ZNF408: variants seen among roughly 807,000 people sequenced by gnomAD.
The protein encoded by ZNF408 is PR domain zinc finger protein 17.
ZNF408 carries 24 observed loss-of-function variants against 27.6 expected under a neutral mutation model. That is an observed-to-expected ratio of 0.87 (90% CI 0.63 to 1.22). The LOEUF (loss-of-function observed/expected upper bound fraction) is 1.22, where lower values mean the gene tolerates loss of function less well. Ranked by LOEUF, ZNF408 falls within the 50% of genes most tolerant of loss-of-function variation. The probability of loss-of-function intolerance (pLI) is 0.00; values close to 1 mark genes in which losing one functional copy is unlikely to be tolerated. For missense variants in ZNF408, 897 were observed against 949.0 expected (o/e 0.95, Z 0.72); for synonymous variants, 410 against 396.1 (o/e 1.04, Z -0.42).
chr11:46,704,625 T>G lies in ZNF408; in HGVS notation c.925T>G (p.Leu309Val), dbSNP rs368603073. The change falls in exon 5 of 5, where the codon TTA becomes GTA. Residue 309 changes from leucine to valine, a missense_variant. Coordinates refer to ENST00000311764, the MANE Select transcript of ZNF408 (RefSeq NM_024741.3). Reference protein sequence around the residue: ...TQPHGYLAKKLHSPSDQCPPR... With the variant: ...TQPHGYLAKKVHSPSDQCPPR... ...GCCGCATGGCTACCTGGCCAAGAAG[T>G]TACACAGCCCCAGTGATCAGTGCCC... is the stretch of plus-strand genomic sequence containing the variant. 6.6e-5 allele frequency: 107 copies of G among 1,613,660 alleles called. No individual in the cohort carries two copies. The highest frequency in any genetic ancestry group is 8.7e-5 in the Non-Finnish European group (103 of 1,179,970).
Position 46,705,381 on chromosome 11 carries a change from C to G in ZNF408, c.1681C>G (p.Arg561Gly). The G allele has an allele frequency of 3.1e-6, 5 of 1,608,588 alleles. No homozygotes were observed. Among genetic ancestry groups the G allele is most frequent in the Non-Finnish European group, 4.2e-6 (5 of 1,179,798 alleles). ...HLCPVCGKAL[R>G]DPHTLRAHER... ...GTGCCCGGTGTGTGGCAAGGCCCTC[C>G]GAGACCCACACACGCTCCGAGCTCA... is the stretch of plus-strand genomic sequence containing the variant. The change falls in exon 5 of 5, where the codon CGA (arginine) becomes GGA (glycine). Residue 561 changes from arginine (R) to glycine (G), a missense_variant. Arg to Gly is a moderately radical substitution (Grantham distance 125). Coordinates refer to ENST00000311764, the MANE Select transcript of ZNF408 (RefSeq NM_024741.3). The surrounding 1 kb of genome is among the most constrained non-coding windows in gnomAD (Gnocchi z 6.5).
Position 46,705,800 on chromosome 11 carries a change from A to G in ZNF408, c.2100A>G (p.Leu700=), listed in dbSNP as rs1471230371. The G allele has an allele frequency of 6.2e-7, 1 of 1,612,230 alleles. No individual in the cohort carries two copies. Among genetic ancestry groups the G allele is most frequent in the Admixed American group, 1.7e-5 (1 of 59,686 alleles). Residue 700 remains leucine, a synonymous_variant, in exon 5 of 5, where the codon CTA becomes CTG. Transcript: ENST00000311764. This position sits in a 1 kb window ranked among gnomAD's most constrained non-coding sequence, Gnocchi z 6.5. The part of the protein sequence containing the change: ...EEPDAAPSLV[L]IHKDMGLGAW... ...CAGATGCCGCCCCCAGCCTGGTGCT[A>G]ATCCATAAGGACATGGGCCTCGGCG...
Position 46,704,554 on chromosome 11 carries a change from C to T in ZNF408, c.854C>T (p.Pro285Leu), listed in dbSNP as rs2064735520. ...AGCAATTCGGCTACCCAGCAGGACC[C>T]AGATGGCAGTGGAGCCAGTTTCTCA... ...LQSNSATQQD[P>L]DGSGASFSSS... The change falls in exon 5 of 5, where the codon CCA (proline) becomes CTA (leucine). Residue 285 changes from proline to leucine, a missense_variant. Coordinates refer to ENST00000311764, the MANE Select transcript of ZNF408 (RefSeq NM_024741.3). The T allele has an allele frequency of 6.2e-7, 1 of 1,613,574 alleles. No homozygotes were observed. The highest frequency in any genetic ancestry group is 8.5e-7 in the Non-Finnish European group (1 of 1,179,928).
Position 46,705,235 on chromosome 11 carries a change from G to T in ZNF408, c.1535G>T (p.Arg512Leu), listed in dbSNP as rs375760341. The change falls in exon 5 of 5, where the codon CGT becomes CTT. Residue 512 changes from arginine (R) to leucine (L), a missense_variant. By Grantham distance (102) the Arg-to-Leu change is moderately radical (BLOSUM62 -2). Coordinates refer to ENST00000311764, the MANE Select transcript of ZNF408 (RefSeq NM_024741.3). This position sits in a 1 kb window ranked among gnomAD's most constrained non-coding sequence, Gnocchi z 6.5. ...GCGTTTCGTCAGCGGGGCAACCTGC[G>T]TGGGCATTTGCGGCTCCACACCGGG... ...GRAFRQRGNLRGHLRLHTGER... is the reference protein window; with the variant it reads ...GRAFRQRGNLLGHLRLHTGER... The T allele has an allele frequency of 6.2e-7, 1 of 1,612,048 alleles. No homozygotes were observed. Among genetic ancestry groups the T allele is most frequent in the Non-Finnish European group, 8.5e-7 (1 of 1,179,918 alleles).
chr11:46,701,451 C>T lies in ZNF408; in HGVS notation c.105C>T (p.Gly35=), dbSNP rs1338809444. 1.9e-6 allele frequency: 3 copies of T among 1,614,034 alleles called. No individual in the cohort carries two copies. Among genetic ancestry groups the T allele is most frequent in the Non-Finnish European group, 2.5e-6 (3 of 1,180,008 alleles). Residue 35 remains glycine, a synonymous_variant, in exon 2 of 5, where the codon GGC becomes GGT. Transcript: ENST00000311764. The part of the protein sequence containing the change: ...LDLGWNPSGE[G]CTQGLKDVPP... The stretch of plus-strand genomic sequence containing the variant: ...TAGGATGGAACCCTTCCGGAGAAGG[C>T]TGTACGCAGGGCCTCAAAGACGTCC...
In ZNF408 at chr11:46,703,761, G is replaced by GTTT. The variant is rs1489418102; in HGVS notation, c.652+520_652+521insTTT. 1.9e-3 allele frequency among the ~76,000 whole-genome samples: 151 copies of GTTT among 80,148 alleles called. 2 individuals carry two copies. Among genetic ancestry groups the GTTT allele is most frequent in the African/African-American group, 2.2e-3 (46 of 20,978 alleles). 52.6% of individuals were successfully genotyped at this position (80,148 alleles called of 152,430 possible). On this transcript the variant is annotated intron_variant, in intron 4 of 4. Transcript: ENST00000311764. ...GTTTTGTTTTGTTGTTGTTGTTGTTGTTGTTGTTGTTTTTTTTTTTTTTTG... is the reference window on the plus strand; with the variant it reads ...GTTTTGTTTTGTTGTTGTTGTTGTTGTTTTTGTTGTTGTTTTTTTTTTTTTTTG...
intron 4 of ZNF408, among the ~76,000 whole-genome samples, chr11:46,703,767 G>GTT (rs1478673835): frequency 1.0e-4 from 9 of 87,062 alleles, no homozygotes; most frequent in Admixed American, 3.1e-4. Flanking sequence ...TGTTGTTGTT[G>GTT]TTGTTTTTTT....
rs746469423 is a variant in ZNF408 at position 46,701,170 on chromosome 11, C to G, written c.52+71C>G. 9.3e-6 allele frequency: 15 copies of G among 1,610,668 alleles called. No homozygotes were observed. In the African/African-American group the frequency reaches 1.5e-4, roughly 16 times the overall value. ...GATCTGACGCTCTGTGGTCAGCTTT[C>G]TCCTCAGTCTTCTCTCCTCCGGATC... On this transcript the variant is annotated intron_variant, in intron 1 of 4. Coordinates refer to ENST00000311764, the MANE Select transcript of ZNF408 (RefSeq NM_024741.3).
chr11:46,702,877 A>G, intron 3 of ZNF408, 107 bp from the exon 4 acceptor site: 1 of 1,596,368 alleles, frequency 6.3e-7, no homozygotes, highest in Non-Finnish European at 8.6e-7. Context: ...TGAATGTTCC[A>G]AAGGCACGGC....
At chr11:46,701,909 A>T in intron 2 of ZNF408, 1 of 430,946 alleles carries the variant, frequency 2.3e-6, no homozygotes, top group Non-Finnish European at 3.9e-6. Flanking sequence ...GAAGGTCAAG[A>T]GCTAAGGTTT....
At position 46,705,242 on chromosome 11, in the gene ZNF408, T is replaced by C; in HGVS notation, c.1542T>C (p.His514=). The part of the protein sequence containing the change: ...AFRQRGNLRG[H]LRLHTGERPY... The stretch of plus-strand genomic sequence containing the variant: ...GTCAGCGGGGCAACCTGCGTGGGCA[T>C]TTGCGGCTCCACACCGGGGAGCGTC... The change falls in exon 5 of 5, where the codon CAT becomes CAC. Residue 514 remains histidine, a synonymous_variant. Transcript: ENST00000311764. The surrounding 1 kb of genome is among the most constrained non-coding windows in gnomAD (Gnocchi z 6.5). 6.2e-7 allele frequency: 1 copy of C among 1,612,182 alleles called. No homozygotes were observed. The highest frequency in any genetic ancestry group is 8.5e-7 in the Non-Finnish European group (1 of 1,179,922).
Position 46,704,881 on chromosome 11 carries a change from A to T in ZNF408, c.1181A>T (p.Glu394Val), listed in dbSNP as rs1203827577. ...TECGKSYSSE[E>V]SFKAHMLGHR... ...TGTGGCAAGAGCTATAGCTCAGAGGAGAGCTTCAAAGCCCATATGCTGGGC... is the reference window on the plus strand; with the variant it reads ...TGTGGCAAGAGCTATAGCTCAGAGGTGAGCTTCAAAGCCCATATGCTGGGC... Residue 394 changes from glutamate (E) to valine (V), a missense_variant, in exon 5 of 5, where the codon GAG becomes GTG. Physicochemically the swap from Glu to Val is moderately radical, Grantham distance 121. Coordinates refer to ENST00000311764, the MANE Select transcript of ZNF408 (RefSeq NM_024741.3). The T allele has an allele frequency of 6.2e-7, 1 of 1,609,492 alleles. No individual in the cohort carries two copies. Among genetic ancestry groups the T allele is most frequent in the Non-Finnish European group, 8.5e-7 (1 of 1,177,690 alleles).
Position 46,705,901 on chromosome 11 carries a change from C to T in ZNF408, c.*38C>T, listed in dbSNP as rs778356790. On this transcript the variant is annotated 3_prime_UTR_variant, in exon 5 of 5. Coordinates refer to ENST00000311764, the MANE Select transcript of ZNF408 (RefSeq NM_024741.3). The surrounding 1 kb of genome is among the most constrained non-coding windows in gnomAD (Gnocchi z 6.5). Reference sequence around the variant, plus strand: ...TTGCTGACACAGCTCCATAAAGACTCGTGCTTTCTCACTGCTGCGTGTCTG... The same window carrying T: ...TTGCTGACACAGCTCCATAAAGACTTGTGCTTTCTCACTGCTGCGTGTCTG... 9.8e-5 allele frequency: 154 copies of T among 1,578,080 alleles called. No individual in the cohort carries two copies. The highest frequency in any genetic ancestry group is 1.2e-4 in the Non-Finnish European group (144 of 1,162,268).
rs555672815 is a variant in ZNF408 at position 46,705,008 on chromosome 11, C to G, written c.1308C>G (p.Pro436=). Reference sequence around the variant, plus strand: ...AGGTGGTACATTCAGGTGCCCGGCCCTTTGCTTGTGACCAGTGTGGCAAGG... The same window carrying G: ...AGGTGGTACATTCAGGTGCCCGGCCGTTTGCTTGTGACCAGTGTGGCAAGG... ...EHQVVHSGAR[P]FACDQCGKAF... Residue 436 remains proline (P), a synonymous_variant, in exon 5 of 5, where the codon CCC becomes CCG. Transcript: ENST00000311764. The surrounding 1 kb of genome is among the most constrained non-coding windows in gnomAD (Gnocchi z 6.5). 1.8e-5 allele frequency: 29 copies of G among 1,613,434 alleles called. No individual in the cohort carries two copies. The South Asian group carries it at 3.2e-4, about 18-fold the overall frequency.
chr11:46,705,667 C>T lies in ZNF408; in HGVS notation c.1967C>T (p.Pro656Leu). The part of the protein sequence containing the change: ...EPTVVLLQAE[P>L]QLLDTHREEE... ...ACTGTGGTGCTCCTGCAGGCTGAGC[C>T]ACAACTGCTGGACACACACAGAGAG... The change falls in exon 5 of 5, where the codon CCA becomes CTA. Residue 656 changes from proline to leucine, a missense_variant. Physicochemically the swap from Pro to Leu is moderately conservative, Grantham distance 98. Coordinates refer to ENST00000311764, the MANE Select transcript of ZNF408 (RefSeq NM_024741.3). The surrounding 1 kb of genome is among the most constrained non-coding windows in gnomAD (Gnocchi z 6.5). 6.2e-7 allele frequency: 1 copy of T among 1,613,856 alleles called. No homozygotes were observed. Among genetic ancestry groups the T allele is most frequent in the Non-Finnish European group, 8.5e-7 (1 of 1,180,006 alleles).
At chr11:46,703,620 GAA>G (rs2064727017) in intron 4 of ZNF408, among the ~76,000 whole-genome samples, 2 of 152,144 alleles carry the variant, frequency 1.3e-5, no homozygotes, top group Admixed American at 1.3e-4. Flanking sequence ...GGAATAGTAA[GAA>G]AGAGAGTAAG....
At chr11:46,702,385 G>A (rs572914710) in intron 2 of ZNF408, among the ~76,000 whole-genome samples, 15 of 152,266 alleles carry the variant, frequency 9.9e-5, no homozygotes, top group African/African-American at 2.6e-4. Flanking sequence ...GTGAGCCCCC[G>A]CGCCTGGCCC....
At position 46,702,716 on chromosome 11, in the gene ZNF408, G is replaced by A; in HGVS notation, c.343G>A (p.Gly115Ser). ...KPRQEENLSL[G>S]PWGDVCACEQ... Reference sequence around the variant, plus strand: ...TGGTTTATTTCAGAACCTGTCATTAGGCCCATGGGGAGACGTGTGTGCCTG... The same window carrying A: ...TGGTTTATTTCAGAACCTGTCATTAAGCCCATGGGGAGACGTGTGTGCCTG... Residue 115 changes from glycine to serine, a missense_variant, in exon 3 of 5, where the codon GGC becomes AGC. Gly to Ser is a moderately conservative substitution (Grantham distance 56). Transcript: ENST00000311764. 6.2e-7 allele frequency: 1 copy of A among 1,614,096 alleles called. No homozygotes were observed. Among genetic ancestry groups the A allele is most frequent in the Non-Finnish European group, 8.5e-7 (1 of 1,179,946 alleles).
Position 46,705,599 on chromosome 11 carries a change from A to T in ZNF408, c.1899A>T (p.Ala633=). ...ATCAGCTCAGTCACCGGCCTGAGGC[A>T]CCCTGCAGCCCACCCTCTGTGCCTT... The part of the protein sequence containing the change: ...RRHQLSHRPE[A]PCSPPSVPSA... The change falls in exon 5 of 5, where the codon GCA becomes GCT. Residue 633 remains alanine (A), a synonymous_variant. Transcript: ENST00000311764. The surrounding 1 kb of genome is among the most constrained non-coding windows in gnomAD (Gnocchi z 6.5). 6.2e-7 allele frequency: 1 copy of T among 1,610,124 alleles called. No individual in the cohort carries two copies. The highest frequency in any genetic ancestry group is 1.3e-5 in the African/African-American group (1 of 75,016).
Sources: gnomAD v4.1 joint callset for allele counts (sites outside exome capture counted in the v4.1 genomes callset) on GRCh38, gnomAD v4.1.1 for gene constraint, Gnocchi (gnomAD v3.1) non-coding constraint, MANE v1.5 for transcripts, NCBI Gene and HGNC (gene_info 2026-07-23, HGNC 2026-07-21) for gene names.